CCL20: variants seen among roughly 807,000 people sequenced by gnomAD.
CCL20 encodes C-C motif chemokine ligand 20.
CCL20 carries 8 observed loss-of-function variants against 10.8 expected under a neutral mutation model. That is an observed-to-expected ratio of 0.74 (90% CI 0.44 to 1.34). The LOEUF (loss-of-function observed/expected upper bound fraction) is 1.34, where lower values mean the gene tolerates loss of function less well. CCL20 is among the 40% of genes most tolerant of loss of function. The pLI is 0.01. For synonymous variants in CCL20, 40 were observed against 39.4 expected (o/e 1.02, Z -0.06); for missense variants, 107 against 117.9 (o/e 0.91, Z 0.43).
chr2:227,815,391 T>C (rs368244299), intron 1 of CCL20, 63 bp from the exon 2 acceptor site: 2 of 805,478 alleles, frequency 2.5e-6, no homozygotes. Context: ...AGTTTTATAA[T>C]ACCAATCACA....
At chr2:227,816,935 A>T (rs1690033003) in intron 3 of CCL20, 127 bp from the exon 4 acceptor site, 1 of 720,654 alleles carries the variant, frequency 1.4e-6, no homozygotes, top group Non-Finnish European at 2.5e-6. Flanking sequence ...CCTCATCTGA[A>T]CTCTGAGCTG....
chr2:227,813,996 C>G lies in CCL20; in HGVS notation c.76+9C>G. On this transcript the variant is annotated intron_variant, in intron 1 of 3. Transcript: ENST00000358813. ...CTGCGGCGAATCAGAAGGTAAGTGTCGCTCTTTCCGCTAGCACAGAAGAAA... is the reference window on the plus strand; with the variant it reads ...CTGCGGCGAATCAGAAGGTAAGTGTGGCTCTTTCCGCTAGCACAGAAGAAA... 1 of 1,609,520 alleles carries G rather than the reference C, an allele frequency of 6.2e-7. No homozygotes were observed.
At position 227,817,065 on chromosome 2, in the gene CCL20, A is replaced by G; in HGVS notation, c.273A>G (p.Lys91=). Residue 91 remains lysine (K), a synonymous_variant, in exon 4 of 4, where the codon AAA becomes AAG. Coordinates refer to ENST00000358813, the MANE Select transcript of CCL20 (RefSeq NM_004591.3). The stretch of plus-strand genomic sequence containing the variant: ...TTTCTTCTTTTTCATTTTACAGTAA[A>G]AAAGTCAAGAACATGTAAAAACTGT... ...WVKYIVRLLS[K]KVKNM is the part of the protein sequence containing the mutation. 4 of 1,607,328 alleles carry G rather than the reference A, an allele frequency of 2.5e-6. No homozygotes were observed. The highest frequency in any genetic ancestry group is 3.3e-5 in the Admixed American group (2 of 59,912).
chr2:227,815,857 G>T, intron 2 of CCL20: 1 of 299,304 alleles, frequency 3.3e-6, no homozygotes, highest in Non-Finnish European at 6.1e-6. Flanking sequence ...GGCTATTAAA[G>T]TGATATATTA....
chr2:227,815,816 G>A (rs556221013), intron 2 of CCL20: 96 of 355,262 alleles, frequency 2.7e-4, no homozygotes, highest in Non-Finnish European at 4.3e-4. Flanking sequence ...TGGTCAAACG[G>A]AACTAGTATA....
At chr2:227,814,037 C>T (rs924139704) in intron 1 of CCL20, 50 bp downstream of exon 1, 1 of 1,478,248 alleles carries the variant, frequency 6.8e-7, no homozygotes, top group Non-Finnish European at 9.1e-7. Context: ...TTTTCATTTT[C>T]CTTTTAGCCT....
intron 2 of CCL20, chr2:227,815,863 T>C (rs960583791): frequency 1.4e-5 from 4 of 295,656 alleles, no homozygotes; most frequent in South Asian, 7.8e-5. Flanking sequence ...TAAAGTGATA[T>C]ATTAGGAAAA....
intron 2 of CCL20, chr2:227,816,016 T>G (rs899891229): frequency 6.3e-6 from 2 of 318,848 alleles, no homozygotes; most frequent in African/African-American, 2.2e-5. Flanking sequence ...TACAAGTTAT[T>G]GATCAGATAC....
chr2:227,815,466 TTGAC>T lies in CCL20; in HGVS notation c.92_95del (p.Asp31AlafsTer51), dbSNP rs1215135990. 6.3e-7 allele frequency: 1 copy of T among 1,587,452 alleles called. No homozygotes were observed. ...TTTTTTTTTTTAGCAGCAAGCAACT[TTGAC>T]TGCTGTCTTGGATACACAGACCGTA... is the stretch of plus-strand genomic sequence containing the variant. On this transcript the variant is annotated frameshift_variant, in exon 2 of 4. Coordinates refer to ENST00000358813, the MANE Select transcript of CCL20 (RefSeq NM_004591.3). LOFTEE classifies it high-confidence loss of function.
chr2:227,815,810 C>T (rs1166878464), intron 2 of CCL20: 1 of 367,682 alleles, frequency 2.7e-6, no homozygotes, highest in South Asian at 5.2e-5. Flanking sequence ...TTTTTTTGGT[C>T]AAACGGAACT....
At chr2:227,814,811 G>A (rs1368337437) in intron 1 of CCL20, among the ~76,000 whole-genome samples, 1 of 150,086 alleles carries the variant, frequency 6.7e-6, no homozygotes, top group Non-Finnish European at 1.5e-5. Flanking sequence ...GGCTGGTCTC[G>A]AACTCCTGGA....
intron 2 of CCL20, chr2:227,815,877 G>T: frequency 7.8e-6 from 2 of 255,372 alleles, no homozygotes; most frequent in South Asian, 9.6e-5. Flanking sequence ...AGGAAAATAG[G>T]GAAGATACAC....
chr2:227,817,010 C>T, intron 3 of CCL20, 52 bp from the exon 4 acceptor site: 1 of 1,436,792 alleles, frequency 7.0e-7, no homozygotes. Flanking sequence ...GTCATTCCCA[C>T]CATGCAGTCA....
chr2:227,814,160 G>A (rs368184488), intron 1 of CCL20, among the ~76,000 whole-genome samples, 173 bp downstream of exon 1: 2 of 152,268 alleles, frequency 1.3e-5, no homozygotes, highest in Non-Finnish European at 1.5e-5. Flanking sequence ...TTACTGCTGC[G>A]GATCAGGCTT....
chr2:227,817,164 A>G lies in CCL20; in HGVS notation c.*81A>G. The stretch of plus-strand genomic sequence containing the variant: ...TGCTGGGGTTGGAGGTTTCACTTGC[A>G]CATCATGGAGGGTTTAGTGCTTATC... On this transcript the variant is annotated 3_prime_UTR_variant, in exon 4 of 4. Transcript: ENST00000358813. 1 of 1,104,012 alleles carries G rather than the reference A, an allele frequency of 9.1e-7. No individual in the cohort carries two copies. The allele number at this position is 1,104,012 out of a possible 1,614,324, so 68.4% of individuals were successfully genotyped here. A position where few individuals can be genotyped will look rare whatever the true frequency, so the allele number is the denominator to read the frequency against.
chr2:227,813,978 G>C lies in CCL20; in HGVS notation c.67G>C (p.Glu23Gln). The change falls in exon 1 of 4, where the codon GAA becomes CAA. Residue 23 changes from glutamate to glutamine, a missense_variant. By Grantham distance (29) the Glu-to-Gln change is conservative (BLOSUM62 2). Coordinates refer to ENST00000358813, the MANE Select transcript of CCL20 (RefSeq NM_004591.3). ...AGTGCTGCTACTCCACCTCTGCGGC[G>C]AATCAGAAGGTAAGTGTCGCTCTTT... Reference protein sequence around the residue: ...MSVLLLHLCGESEAASNFDCC... With the variant: ...MSVLLLHLCGQSEAASNFDCC... The C allele has an allele frequency of 1.9e-6, 3 of 1,613,680 alleles. No homozygotes were observed. Among genetic ancestry groups the C allele is most frequent in the South Asian group, 2.2e-5 (2 of 91,076 alleles).
intron 1 of CCL20, 115 bp from the exon 2 acceptor site, chr2:227,815,339 G>C: frequency 1.7e-6 from 1 of 603,608 alleles, no homozygotes; most frequent in South Asian, 2.2e-5. Context: ...TGGTTTATTC[G>C]TCATATACAT....
Position 227,815,460 on chromosome 2 carries a change from G to T in CCL20, c.83G>T (p.Ser28Ile). 6.5e-7 allele frequency: 1 copy of T among 1,535,290 alleles called. No individual in the cohort carries two copies. Among genetic ancestry groups the T allele is most frequent in the Non-Finnish European group, 8.8e-7 (1 of 1,130,028 alleles). ...LHLCGESEAA[S>I]NFDCCLGYTD... ...CACTTTTTTTTTTTTTTAGCAGCAA[G>T]CAACTTTGACTGCTGTCTTGGATAC... The change falls in exon 2 of 4, where the codon AGC becomes ATC. Residue 28 changes from serine (S) to isoleucine (I), a missense_variant. Ser to Ile is a moderately radical substitution (Grantham distance 142, BLOSUM62 -2). Coordinates refer to ENST00000358813, the MANE Select transcript of CCL20 (RefSeq NM_004591.3).
At position 227,817,152 on chromosome 2, in the gene CCL20, G is replaced by T; in HGVS notation, c.*69G>T. The T allele has an allele frequency of 8.1e-7, 1 of 1,240,956 alleles. No individual in the cohort carries two copies. The highest frequency in any genetic ancestry group is 1.2e-5 in the South Asian group (1 of 80,776). The allele number at this position is 1,240,956 out of a possible 1,614,324, so 76.9% of individuals were successfully genotyped here. A position where few individuals can be genotyped will look rare whatever the true frequency, so the allele number is the denominator to read the frequency against. ...CAGAAAGAACCTTGCTGGGGTTGGA[G>T]GTTTCACTTGCACATCATGGAGGGT... is the stretch of plus-strand genomic sequence containing the variant. On this transcript the variant is annotated 3_prime_UTR_variant, in exon 4 of 4. Transcript: ENST00000358813.
Sources: gnomAD v4.1 joint callset for allele counts (sites outside exome capture counted in the v4.1 genomes callset) on GRCh38, gnomAD v4.1.1 for gene constraint, MANE v1.5 for transcripts, NCBI Gene and HGNC (gene_info 2026-07-23, HGNC 2026-07-21) for gene names.